FRMD5: variants seen among roughly 807,000 people sequenced by gnomAD.
The protein encoded by FRMD5 is FERM domain-containing protein 5.
Under a neutral mutation model 69.0 loss-of-function variants are expected in FRMD5, and 20 were observed. The ratio of observed to expected loss-of-function variants is 0.29; its 90% CI spans 0.20 to 0.42. The LOEUF is 0.42. FRMD5 is among the 10% of genes least tolerant of loss of function. The pLI is 1.00. For synonymous variants in FRMD5, 271 were observed against 260.1 expected (o/e 1.04, Z -0.40); for missense variants, 595 against 708.6 (o/e 0.84, Z 1.82).
chr15:44,083,765 A>G (rs1894084447), intron 1 of FRMD5, among the ~76,000 whole-genome samples: 1 of 152,096 alleles, frequency 6.6e-6, no homozygotes, highest in Non-Finnish European at 1.5e-5. Context: ...ATAAAAGCAA[A>G]CAGAGAAAAG....
At chr15:44,180,952 C>G (rs1001492582) in intron 1 of FRMD5, among the ~76,000 whole-genome samples, 1 of 152,158 alleles carries the variant, frequency 6.6e-6, no homozygotes, top group African/African-American at 2.4e-5. Context: ...AACTGGATCT[C>G]TAATCAAGTG....
intron 1 of FRMD5, among the ~76,000 whole-genome samples, chr15:44,159,130 T>C (rs955889469): frequency 2.0e-5 from 3 of 152,110 alleles, no homozygotes; most frequent in Non-Finnish European, 4.4e-5. Flanking sequence ...ACATGTTCTG[T>C]TTGGGATGAT....
intron 1 of FRMD5, among the ~76,000 whole-genome samples, chr15:44,081,677 A>T (rs1286249485): frequency 6.6e-6 from 1 of 152,110 alleles, no homozygotes; most frequent in Non-Finnish European, 1.5e-5. Context: ...AAACTGATTT[A>T]TATCCTCCTC....
At chr15:44,114,885 T>C (rs1240167870) in intron 1 of FRMD5, among the ~76,000 whole-genome samples, 1 of 152,162 alleles carries the variant, frequency 6.6e-6, no homozygotes, top group East Asian at 1.9e-4. Context: ...GGCCAACTAC[T>C]AGCTAACAAG....
chr15:43,961,829 A>G (rs2090206419), intron 1 of FRMD5, among the ~76,000 whole-genome samples: 1 of 152,192 alleles, frequency 6.6e-6, no homozygotes, highest in African/African-American at 2.4e-5. Context: ...ATAGATGCAG[A>G]AAAGGCCTTT....
At chr15:44,145,425 TC>T (rs147996470) in intron 1 of FRMD5, among the ~76,000 whole-genome samples, 1,829 of 152,334 alleles carry the variant, frequency 0.012, 30 homozygotes, top group African/African-American at 0.041. Context: ...AATGCAGTGT[TC>T]TTGTACCAGT....
intron 1 of FRMD5, among the ~76,000 whole-genome samples, chr15:44,172,235 T>C (rs1490629128): frequency 6.6e-6 from 1 of 151,534 alleles, no homozygotes; most frequent in African/African-American, 2.4e-5. Flanking sequence ...GGACCACAGG[T>C]GTGCACCACC....
intron 1 of FRMD5, among the ~76,000 whole-genome samples, chr15:44,006,565 A>C (rs1238947967): frequency 6.6e-6 from 1 of 152,262 alleles, no homozygotes; most frequent in African/African-American, 2.4e-5. Context: ...ACTGAATGCC[A>C]TCATTCTAGA....
intron 1 of FRMD5, among the ~76,000 whole-genome samples, chr15:44,042,346 G>C (rs1340134618): frequency 1.3e-5 from 2 of 152,024 alleles, no homozygotes; most frequent in Non-Finnish European, 2.9e-5. Flanking sequence ...TTCTACCAGA[G>C]GTACAAAGAA....
upstream of FRMD5, among the ~76,000 whole-genome samples, chr15:44,196,888 T>C (rs1223376933): frequency 1.3e-5 from 2 of 152,062 alleles, no homozygotes. Flanking sequence ...CAGGATTCTC[T>C]TTTCAATGCA....
intron 1 of FRMD5, among the ~76,000 whole-genome samples, chr15:43,937,410 G>A (rs183147183): frequency 4.5e-4 from 69 of 152,264 alleles, no homozygotes; most frequent in African/African-American, 1.6e-3. Context: ...CACTTTGGGA[G>A]GTGGATCACT....
At chr15:43,935,342 G>A (rs2089741626) in intron 1 of FRMD5, among the ~76,000 whole-genome samples, 1 of 152,112 alleles carries the variant, frequency 6.6e-6, no homozygotes, top group African/African-American at 2.4e-5. Context: ...AAATTAGCCG[G>A]GTGTGGTGGC....
intron 1 of FRMD5, among the ~76,000 whole-genome samples, chr15:43,997,458 A>T (rs1889987296): frequency 6.6e-6 from 1 of 152,200 alleles, no homozygotes; most frequent in Admixed American, 6.5e-5. Flanking sequence ...TTACCAACAC[A>T]TTCTCTTGTG....
At chr15:43,883,026 C>G (rs2088572924) in intron 13 of FRMD5, among the ~76,000 whole-genome samples, 1 of 151,988 alleles carries the variant, frequency 6.6e-6, no homozygotes, top group Admixed American at 6.6e-5. Flanking sequence ...AGGCTGCTCT[C>G]AAACTCCTGA....
intron 1 of FRMD5, among the ~76,000 whole-genome samples, chr15:43,951,191 T>C (rs1246413217): frequency 2.0e-5 from 3 of 151,906 alleles, no homozygotes; most frequent in Non-Finnish European, 2.9e-5. Flanking sequence ...GAGGCCAAGG[T>C]GGGCAGATCA....
chr15:43,951,980 TTGTGTGTGTGTGTGTGTGTCTGTGTG>T (rs1231013138), intron 1 of FRMD5, among the ~76,000 whole-genome samples: 7 of 107,710 alleles, frequency 6.5e-5, no homozygotes, highest in Non-Finnish European at 8.4e-5. Context: ...TGTGTGTGTG[TTGTGTGTGTGTGTGTGTGTCTGTGTG>T]TGTGTGTGTG....
At chr15:44,126,538 A>G (rs915779175) in intron 1 of FRMD5, among the ~76,000 whole-genome samples, 2 of 152,204 alleles carry the variant, frequency 1.3e-5, no homozygotes, top group African/African-American at 4.8e-5. Context: ...ATCCACAATG[A>G]CATGATCCTG....
chr15:43,906,663 G>A (rs1436622668), intron 5 of FRMD5, among the ~76,000 whole-genome samples: 2 of 151,562 alleles, frequency 1.3e-5, no homozygotes, highest in Non-Finnish European at 2.9e-5. Context: ...GTGCAGTGGT[G>A]CGATCTTGGC....
chr15:44,050,187 T>A (rs1223683256), intron 1 of FRMD5, among the ~76,000 whole-genome samples: 3 of 152,216 alleles, frequency 2.0e-5, no homozygotes, highest in African/African-American at 7.2e-5. Flanking sequence ...GAATATCAGC[T>A]ATTCTAGTTT....
Sources: gnomAD v4.1 joint callset for allele counts (sites outside exome capture counted in the v4.1 genomes callset) on GRCh38, gnomAD v4.1.1 for gene constraint, MANE v1.5 for transcripts, NCBI Gene and HGNC (gene_info 2026-07-23, HGNC 2026-07-21) for gene names.